HIVEP1: variants seen among roughly 807,000 people sequenced by gnomAD.
The protein encoded by HIVEP1 is zinc finger protein 40.
HIVEP1 carries 36 observed loss-of-function variants against 180.0 expected under a neutral mutation model. That is an observed-to-expected ratio of 0.20 (90% CI 0.15 to 0.26). The LOEUF (loss-of-function observed/expected upper bound fraction) is 0.26, where lower values mean the gene tolerates loss of function less well. Among genes scored for constraint, HIVEP1 ranks in the 10% least tolerant of loss-of-function variants. HIVEP1 has a pLI of 1.00. For missense variants in HIVEP1, 3,143 were observed against 3,268.7 expected, an observed-to-expected ratio of 0.96 and a Z score of 0.94; for synonymous variants, 1,239 against 1,239.0, an observed-to-expected ratio of 1.00 and a Z score of 0.00.
At chr6:12,052,771 T>C (rs1322994742) in intron 2 of HIVEP1, among the ~76,000 whole-genome samples, 1 of 152,250 alleles carries the variant, frequency 6.6e-6, no homozygotes, top group Non-Finnish European at 1.5e-5. Context: ...CAATTTACTT[T>C]CTTTTCTTGT....
downstream of HIVEP1, among the ~76,000 whole-genome samples, chr6:12,168,291 A>ATATAT (rs1554161590): frequency 0.032 from 2,336 of 72,304 alleles, 138 homozygotes; most frequent in African/African-American, 0.09. Context: ...TATTATATAC[A>ATATAT]TATATACATA....
chr6:12,113,928 C>T (rs1272778170), intron 3 of HIVEP1, among the ~76,000 whole-genome samples: 1 of 152,174 alleles, frequency 6.6e-6, no homozygotes, highest in Non-Finnish European at 1.5e-5. Flanking sequence ...GTTTATCACA[C>T]ATTATTTGTT....
At chr6:12,043,355 ATTTTTTTTTT>A (rs1304144063) in intron 2 of HIVEP1, among the ~76,000 whole-genome samples, 6 of 109,904 alleles carry the variant, frequency 5.5e-5, no homozygotes, top group African/African-American at 2.0e-4. Context: ...CTAAGTGAAA[ATTTTTTTTTT>A]TTTTTTTTTT....
In HIVEP1 at chr6:12,122,551, T is replaced by C; in HGVS notation, c.2756T>C (p.Leu919Pro). 2 of 1,614,230 alleles carry C rather than the reference T, an allele frequency of 1.2e-6. No homozygotes were observed. The highest frequency in any genetic ancestry group is 1.7e-6 in the Non-Finnish European group (2 of 1,180,042). ...CATGTTCTTGGTACTGGACAGTCCC[T>C]GGATGAGAGCCACCAAGGATGCCAT... ...ESHVLGTGQS[L>P]DESHQGCHAA... Residue 919 changes from leucine to proline, a missense_variant, in exon 4 of 9, where the codon CTG becomes CCG. Physicochemically the swap from Leu to Pro is moderately conservative, Grantham distance 98. Coordinates refer to ENST00000379388, the MANE Select transcript of HIVEP1 (RefSeq NM_002114.4).
chr6:12,109,125 G>A (rs1355066379), intron 3 of HIVEP1, among the ~76,000 whole-genome samples: 2 of 151,912 alleles, frequency 1.3e-5, no homozygotes, highest in East Asian at 1.9e-4. Context: ...GACTACAGGC[G>A]CCTGCCACCA....
downstream of HIVEP1, among the ~76,000 whole-genome samples, chr6:12,165,816 T>A (rs1468032911): frequency 6.6e-6 from 1 of 152,186 alleles, no homozygotes; most frequent in Non-Finnish European, 1.5e-5. Context: ...GGGGACAGCC[T>A]ATCTACTAAG....
intron 3 of HIVEP1, among the ~76,000 whole-genome samples, chr6:12,101,399 A>G (rs1452744356): frequency 2.7e-5 from 4 of 147,670 alleles, no homozygotes; most frequent in South Asian, 2.1e-4. Flanking sequence ...CAATATGTAT[A>G]TAACATGTAT....
intron 4 of HIVEP1, among the ~76,000 whole-genome samples, chr6:12,126,915 A>T (rs7765034): frequency 6.6e-6 from 1 of 152,024 alleles, no homozygotes; most frequent in East Asian, 1.9e-4. Flanking sequence ...CTGGAGTGCA[A>T]TGGTGCGCTC....
intron 1 of HIVEP1, among the ~76,000 whole-genome samples, chr6:12,013,895 A>C (rs1321266560): frequency 5.3e-5 from 8 of 152,350 alleles, no homozygotes; most frequent in Admixed American, 1.3e-4. Flanking sequence ...ATACAGCCAG[A>C]TCAGGGATAA....
At chr6:12,041,141 C>T (rs188800382) in intron 2 of HIVEP1, among the ~76,000 whole-genome samples, 37 of 152,202 alleles carry the variant, frequency 2.4e-4, no homozygotes, top group African/African-American at 6.7e-4. Context: ...AATAGCCAGC[C>T]GGGCGCAGTG....
chr6:12,185,127 T>C, the HIVEP1 span, among the ~76,000 whole-genome samples: 3 of 152,352 alleles, frequency 2.0e-5, no homozygotes, highest in Non-Finnish European at 2.9e-5. Context: ...TTTTCAGACA[T>C]TGGACAACTT....
At chr6:12,146,055 G>T (rs942653595) in intron 7 of HIVEP1, among the ~76,000 whole-genome samples, 6 of 152,170 alleles carry the variant, frequency 3.9e-5, no homozygotes, top group Non-Finnish European at 7.4e-5. Flanking sequence ...CAGGAGAAAT[G>T]GGGTAAACCT....
chr6:12,065,298 G>C (rs1043861518), intron 2 of HIVEP1, among the ~76,000 whole-genome samples: 1 of 152,188 alleles, frequency 6.6e-6, no homozygotes, highest in Admixed American at 6.5e-5. Context: ...TGATATTAGA[G>C]GGTGATGCAG....
intron 6 of HIVEP1, among the ~76,000 whole-genome samples, chr6:12,134,972 C>T (rs560433090): frequency 6.6e-6 from 1 of 152,276 alleles, no homozygotes; most frequent in African/African-American, 2.4e-5. Flanking sequence ...AAGCTTGAAA[C>T]TTTAAAAGGT....
At chr6:12,108,138 A>T (rs13206426) in intron 3 of HIVEP1, among the ~76,000 whole-genome samples, 36,167 of 147,618 alleles carry the variant, frequency 0.25, 5,052 homozygotes, top group Non-Finnish European at 0.33. Context: ...CCAAGGCCCC[A>T]CCAGAGTAGC....
the HIVEP1 span, among the ~76,000 whole-genome samples, chr6:12,178,861 T>C: frequency 1.3e-5 from 2 of 152,216 alleles, no homozygotes; most frequent in African/African-American, 4.8e-5. Flanking sequence ...AATAGAGTAA[T>C]GTCTGAATAA....
chr6:12,105,429 CCT>C (rs889746503), intron 3 of HIVEP1, among the ~76,000 whole-genome samples: 12 of 152,164 alleles, frequency 7.9e-5, no homozygotes, highest in African/African-American at 2.9e-4. Context: ...ACTGATCTCC[CCT>C]GTTTGGACTT....
intron 3 of HIVEP1, among the ~76,000 whole-genome samples, chr6:12,102,637 C>T (rs994278710): frequency 1.3e-5 from 2 of 152,174 alleles, no homozygotes; most frequent in African/African-American, 4.8e-5. Flanking sequence ...ATAAGTGCCT[C>T]TGGAAATGTT....
At chr6:12,044,927 G>A (rs1770029465) in intron 2 of HIVEP1, among the ~76,000 whole-genome samples, 1 of 152,250 alleles carries the variant, frequency 6.6e-6, no homozygotes, top group Admixed American at 6.5e-5. Context: ...CTCCTGTGTA[G>A]ACATTTTGGA....
Sources: allele counts gnomAD v4.1 joint callset (sites outside exome capture counted in the v4.1 genomes callset), GRCh38; gene constraint gnomAD v4.1.1; transcripts MANE v1.5; gene names NCBI Gene and HGNC (gene_info 2026-07-23, HGNC 2026-07-21).